ASTN2: variants seen among roughly 807,000 people sequenced by gnomAD.
The protein encoded by ASTN2 is astrotactin-2.
A neutral mutation model predicts 139.8 loss-of-function variants in ASTN2; 54 were observed. That is an observed-to-expected ratio of 0.39 (90% CI 0.31 to 0.48). The LOEUF is 0.48. ASTN2 is among the 20% of genes least tolerant of loss of function. The pLI is 0.95. For missense variants in ASTN2, 1,565 were observed against 1,725.1 expected (o/e 0.91, Z 1.64); for synonymous variants, 756 against 719.5 (o/e 1.05, Z -0.81).
At chr9:117,179,661 G>A (rs1165818682) in intron 3 of ASTN2, among the ~76,000 whole-genome samples, 5 of 152,098 alleles carry the variant, frequency 3.3e-5, no homozygotes, top group South Asian at 4.1e-4. Context: ...GTAACGACAT[G>A]AGGGCTTCCC....
chr9:116,547,921 T>G (rs1243887506), intron 19 of ASTN2, among the ~76,000 whole-genome samples: 1 of 152,024 alleles, frequency 6.6e-6, no homozygotes, highest in African/African-American at 2.4e-5. Flanking sequence ...AGGCAGGCTG[T>G]CTGAGGCAGC....
In ASTN2 at chr9:116,754,323, C is replaced by T. The variant is rs182290785; in HGVS notation, c.2397-20800G>A. On this transcript the variant is annotated intron_variant, in intron 13 of 22. Transcript: ENST00000313400. ...TGATTTATAATCCTTTGGGTATATA[C>T]CCAGTAATGGGATTGCTGGGTCAAA... Among the ~76,000 whole-genome samples the T allele has an allele frequency of 5.9e-3, 892 of 152,206 alleles. 13 individuals carry two copies. Among genetic ancestry groups the T allele is most frequent in the African/African-American group, 0.021 (860 of 41,510 alleles).
intron 1 of ASTN2, among the ~76,000 whole-genome samples, chr9:117,331,293 T>C (rs1335389931): frequency 1.3e-5 from 2 of 152,118 alleles, no homozygotes; most frequent in Non-Finnish European, 2.9e-5. Flanking sequence ...CCTTCCTCTT[T>C]CCCTTCTGTT....
intron 1 of ASTN2, among the ~76,000 whole-genome samples, chr9:117,323,165 A>G (rs937341505): frequency 6.6e-6 from 1 of 152,064 alleles, no homozygotes; most frequent in African/African-American, 2.4e-5. Flanking sequence ...TTATGTGTGC[A>G]CACACACACA....
chr9:116,453,525 T>A (rs561993695), intron 20 of ASTN2, among the ~76,000 whole-genome samples: 1 of 124,416 alleles, frequency 8.0e-6, no homozygotes. Flanking sequence ...ACCCAGGAGG[T>A]GGAGCTTGCA....
At chr9:117,337,565 A>G (rs1014550912) in intron 1 of ASTN2, among the ~76,000 whole-genome samples, 1 of 152,210 alleles carries the variant, frequency 6.6e-6, no homozygotes, top group Non-Finnish European at 1.5e-5. Flanking sequence ...TGAAGAGTAG[A>G]GAAAGAAAGC....
At chr9:116,710,468 CG>C (rs1828119484) in intron 16 of ASTN2, among the ~76,000 whole-genome samples, 2 of 149,438 alleles carry the variant, frequency 1.3e-5, no homozygotes, top group Non-Finnish European at 2.9e-5. Flanking sequence ...AGTGAGCTCA[CG>C]CCTGTAATCA....
At chr9:117,189,802 G>C (rs890802697) in intron 3 of ASTN2, among the ~76,000 whole-genome samples, 2 of 152,134 alleles carry the variant, frequency 1.3e-5, no homozygotes, top group African/African-American at 4.8e-5. Context: ...CCTCTGCCTG[G>C]CTGGTAAAAC....
At chr9:117,213,638 A>G (rs560737130) in intron 3 of ASTN2, among the ~76,000 whole-genome samples, 4 of 152,332 alleles carry the variant, frequency 2.6e-5, no homozygotes, top group Admixed American at 2.6e-4. Flanking sequence ...TAACAAACAA[A>G]TGGGATCTCA....
intron 1 of ASTN2, among the ~76,000 whole-genome samples, chr9:117,406,857 AACACACACACACACACAC>A (rs59125408): frequency 6.2e-5 from 9 of 144,330 alleles, no homozygotes; most frequent in East Asian, 2.1e-4. Flanking sequence ...ATTGTCCCCT[AACACACACACACACACAC>A]ACACACACAC....
chr9:116,930,597 G>A (rs1379767739), intron 10 of ASTN2, among the ~76,000 whole-genome samples: 1 of 152,120 alleles, frequency 6.6e-6, no homozygotes, highest in African/African-American at 2.4e-5. Context: ...AGCAAGACTC[G>A]GGGTGACAAA....
intron 10 of ASTN2, among the ~76,000 whole-genome samples, chr9:116,894,159 G>A (rs1833829875): frequency 6.6e-6 from 1 of 152,148 alleles, no homozygotes; most frequent in Non-Finnish European, 1.5e-5. Context: ...ACATTTACTT[G>A]CCAGTTCCTA....
chr9:116,609,800 A>G (rs1396153522), intron 19 of ASTN2, among the ~76,000 whole-genome samples: 5 of 152,144 alleles, frequency 3.3e-5, no homozygotes, highest in African/African-American at 1.2e-4. Flanking sequence ...AACACATATG[A>G]CAAAAACTGC....
At chr9:116,807,948 A>G (rs1369435482) in intron 12 of ASTN2, among the ~76,000 whole-genome samples, 2 of 39,682 alleles carry the variant, frequency 5.0e-5, no homozygotes, top group African/African-American at 7.9e-5. Context: ...TGTCTCTACT[A>G]AAAAAAAAAA....
chr9:117,278,819 C>A (rs372555917), intron 2 of ASTN2, among the ~76,000 whole-genome samples: 4 of 152,106 alleles, frequency 2.6e-5, no homozygotes, highest in African/African-American at 7.2e-5. Flanking sequence ...AATGTAGTTG[C>A]GCTGAACCTA....
At chr9:116,549,302 C>T (rs1277799556) in intron 19 of ASTN2, among the ~76,000 whole-genome samples, 2 of 149,788 alleles carry the variant, frequency 1.3e-5, no homozygotes, top group Non-Finnish European at 3.0e-5. Flanking sequence ...AATGGGAGGT[C>T]AGGGAAGAGA....
chr9:116,655,703 T>A (rs962204901), intron 16 of ASTN2, among the ~76,000 whole-genome samples: 1 of 152,092 alleles, frequency 6.6e-6, no homozygotes, highest in African/African-American at 2.4e-5. Context: ...AAGATTTTTT[T>A]TATATATATA....
intron 3 of ASTN2, among the ~76,000 whole-genome samples, chr9:117,170,880 C>T (rs940247074): frequency 6.6e-6 from 1 of 152,178 alleles, no homozygotes; most frequent in East Asian, 1.9e-4. Context: ...TGCCAGGTAT[C>T]GTATCCATTG....
At chr9:117,005,223 T>C (rs1837320661) in intron 7 of ASTN2, among the ~76,000 whole-genome samples, 1 of 148,604 alleles carries the variant, frequency 6.7e-6, no homozygotes, top group Admixed American at 6.9e-5. Flanking sequence ...TAGCTAGGAC[T>C]ACAAGCATGT....
Sources: allele counts gnomAD v4.1 joint callset (sites outside exome capture counted in the v4.1 genomes callset), GRCh38; gene constraint gnomAD v4.1.1; transcripts MANE v1.5; gene names NCBI Gene and HGNC (gene_info 2026-07-23, HGNC 2026-07-21).